Variants in ZNF345 observed in about 807,000 individuals in gnomAD.
ZNF345 encodes the protein zinc finger protein HZF10.
For missense variants in ZNF345, 527 were observed against 589.9 expected (o/e 0.89, Z 1.10); for synonymous variants, 166 against 187.9 (o/e 0.88, Z 0.95).
At chr19:36,872,789 C>T (rs2072796905) in intron 2 of ZNF345, 1 of 152,136 alleles carries the variant, frequency 6.6e-6, no homozygotes, top group Admixed American at 6.5e-5. Flanking sequence ...ATATATTTTT[C>T]CCTTTATAAT....
chr19:36,866,447 AT>A (rs1240122784), intron 2 of ZNF345, among the ~76,000 whole-genome samples: 1 of 152,128 alleles, frequency 6.6e-6, no homozygotes, highest in Non-Finnish European at 1.5e-5. Context: ...TGCTATTATA[AT>A]TTTTTGCCAA....
chr19:36,887,193 C>A (rs141120080), intron 3 of ZNF345, among the ~76,000 whole-genome samples: 1,594 of 139,856 alleles, frequency 0.011, 17 homozygotes, highest in African/African-American at 0.041. Flanking sequence ...ACCACCACCA[C>A]CACCAACAAC....
intron 2 of ZNF345, among the ~76,000 whole-genome samples, chr19:36,853,525 C>A (rs2072336278): frequency 2.6e-5 from 4 of 152,162 alleles, no homozygotes; most frequent in Admixed American, 2.6e-4. Flanking sequence ...AGGCATAAGC[C>A]ACCGCACCTG....
At chr19:36,859,241 G>A (rs2072492971) in intron 2 of ZNF345, among the ~76,000 whole-genome samples, 1 of 151,730 alleles carries the variant, frequency 6.6e-6, no homozygotes, top group Non-Finnish European at 1.5e-5. Flanking sequence ...TGCAGCCTCT[G>A]CCTCCCCAGG....
At chr19:36,888,396 T>C (rs2073017852) in intron 3 of ZNF345, 1 of 152,184 alleles carries the variant, frequency 6.6e-6, no homozygotes, top group Non-Finnish European at 1.5e-5. Context: ...GATATCTGTC[T>C]CTACAATATC....
intron 2 of ZNF345, among the ~76,000 whole-genome samples, chr19:36,856,712 C>T (rs937051345): frequency 3.3e-5 from 5 of 151,898 alleles, no homozygotes; most frequent in Admixed American, 2.6e-4. Flanking sequence ...AAAAATTAGC[C>T]GGGCATGGTG....
intron 3 of ZNF345, chr19:36,891,515 G>C (rs748307111): frequency 3.8e-6 from 6 of 1,569,820 alleles, no homozygotes; most frequent in Non-Finnish European, 5.2e-6. Context: ...ATTCCCTCAT[G>C]GCGAATGAGG....
rs536469070 is a variant in ZNF345 at position 36,852,578 on chromosome 19, G to A, written c.-47+674G>A. 3.3e-5 allele frequency among the ~76,000 whole-genome samples: 5 copies of A among 149,760 alleles called. No individual in the cohort carries two copies. In the East Asian group the frequency reaches 9.8e-4, roughly 29 times the overall value. ...GCCAAGATTGTGCCACTGCCCTCCAGCCTGGTGACAGAGTGAGACTCCATC... is the reference window on the plus strand; with the variant it reads ...GCCAAGATTGTGCCACTGCCCTCCAACCTGGTGACAGAGTGAGACTCCATC... On this transcript the variant is annotated intron_variant, in intron 2 of 2. Transcript: ENST00000420450.
intron 3 of ZNF345, chr19:36,892,754 C>T: frequency 2.0e-6 from 1 of 499,114 alleles, no homozygotes; most frequent in Non-Finnish European, 3.4e-6. Context: ...GTGTTCAGCA[C>T]CATCCTCCAT....
At chr19:36,881,100 G>T, downstream of ZNF345, among the ~76,000 whole-genome samples, 1 of 152,114 alleles carries the variant, frequency 6.6e-6, no homozygotes, top group Non-Finnish European at 1.5e-5. Flanking sequence ...CATAAATAAA[G>T]GTATATGAAC....
chr19:36,855,475 A>T (rs1369118335), intron 2 of ZNF345, among the ~76,000 whole-genome samples: 2 of 106,780 alleles, frequency 1.9e-5, no homozygotes, highest in Non-Finnish European at 3.7e-5. Flanking sequence ...TTTTTTTTAA[A>T]CAGAGTTTCG....
chr19:36,851,036 G>A (rs1371001391), intron 1 of ZNF345, 68 bp downstream of exon 1: 1 of 153,248 alleles, frequency 6.5e-6, no homozygotes, highest in Non-Finnish European at 1.5e-5. Context: ...GTGGGGAACA[G>A]GCTAAGGAGC....
At chr19:36,875,775 G>A (rs903677880) in intron 2 of ZNF345, among the ~76,000 whole-genome samples, 1 of 152,150 alleles carries the variant, frequency 6.6e-6, no homozygotes, top group African/African-American at 2.4e-5. Context: ...GATTGGTGCC[G>A]AATGTTTTCA....
At chr19:36,857,286 A>G (rs1392430849) in intron 2 of ZNF345, among the ~76,000 whole-genome samples, 1 of 151,808 alleles carries the variant, frequency 6.6e-6, no homozygotes, top group East Asian at 1.9e-4. Context: ...TAATGAATAT[A>G]TTTTTCTTAT....
chr19:36,893,162 A>C (rs2073078433), downstream of ZNF345: 1 of 393,844 alleles, frequency 2.5e-6, no homozygotes, highest in African/African-American at 2.1e-5. Context: ...GTGACTGTGC[A>C]ATGGTATACT....
intron 2 of ZNF345, among the ~76,000 whole-genome samples, chr19:36,875,315 A>G (rs1364982557): frequency 6.6e-6 from 1 of 152,222 alleles, no homozygotes; most frequent in African/African-American, 2.4e-5. Context: ...TTAAAGATAC[A>G]TCATTTAGCA....
At chr19:36,880,619 T>C (rs1376955034), downstream of ZNF345, among the ~76,000 whole-genome samples, 1 of 151,154 alleles carries the variant, frequency 6.6e-6, no homozygotes, top group Admixed American at 6.6e-5. Flanking sequence ...CAAGCCCCCA[T>C]CTCTACAATA....
At chr19:36,853,057 G>A (rs1364904637) in intron 2 of ZNF345, among the ~76,000 whole-genome samples, 1 of 151,644 alleles carries the variant, frequency 6.6e-6, no homozygotes, top group Non-Finnish European at 1.5e-5. Context: ...TTGTATGTGT[G>A]ATAAGTATTT....
chr19:36,892,735 G>A, intron 3 of ZNF345: 1 of 555,536 alleles, frequency 1.8e-6, no homozygotes, highest in East Asian at 3.0e-5. Context: ...AAGCCTTGGT[G>A]AATACACAGT....
Sources: allele counts gnomAD v4.1 joint callset (sites outside exome capture counted in the v4.1 genomes callset), GRCh38; gene constraint gnomAD v4.1.1; transcripts MANE v1.5; gene names NCBI Gene and HGNC (gene_info 2026-07-23, HGNC 2026-07-21).